Variants in TPP2 observed in about 807,000 individuals in gnomAD.
TPP2 encodes the protein tripeptidyl-peptidase 2.
Under a neutral mutation model 155.9 loss-of-function variants are expected in TPP2, and 34 were observed. The observed-to-expected ratio is 0.22, with a 90% CI of 0.17 to 0.29. The LOEUF (loss-of-function observed/expected upper bound fraction) is 0.29. TPP2 is among the 10% of genes least tolerant of loss of function. The pLI is 1.00. For missense variants in TPP2, 1,028 were observed against 1,522.3 expected, an observed-to-expected ratio of 0.68 and a Z score of 5.40; for synonymous variants, 510 against 529.4, an observed-to-expected ratio of 0.96 and a Z score of 0.50.
Position 102,668,400 on chromosome 13 carries a change from G to A in TPP2, c.3371+3475G>A, listed in dbSNP as rs140580868. 3.3e-5 allele frequency among the ~76,000 whole-genome samples: 5 copies of A among 152,324 alleles called. No individual in the cohort carries two copies. In the East Asian group the frequency reaches 9.6e-4, roughly 29 times the overall value. ...GTTTTGTTGATTGAAGAGTACAGAT[G>A]TGTGCAGCAACTGGTTTGTCTGGCG... On this transcript the variant is annotated intron_variant, in intron 27 of 29. Coordinates refer to ENST00000376052, the MANE Select transcript of TPP2 (RefSeq NM_001330588.2).
In TPP2 at chr13:102,644,871, GT is replaced by G. The variant is rs780783903; in HGVS notation, c.2293-37del. On this transcript the variant is annotated intron_variant, in intron 18 of 29. Transcript: ENST00000376052. Reference sequence around the variant, plus strand: ...AGGTACAAAATATTGCTTATTTTTAGTAAAGTTTGAGAAAGTAATTTGAGAA... The same window carrying G: ...AGGTACAAAATATTGCTTATTTTTAGAAAGTTTGAGAAAGTAATTTGAGAA... 2.5e-6 allele frequency: 4 copies of G among 1,603,894 alleles called. No individual in the cohort carries two copies. In the East Asian group the frequency reaches 8.9e-5, roughly 36 times the overall value.
rs554240489 is a variant in TPP2 at position 102,649,237 on chromosome 13, T to G, written c.2873+86T>G. 8 of 1,507,340 alleles carry G rather than the reference T, an allele frequency of 5.3e-6. No individual in the cohort carries two copies. In the East Asian group the frequency reaches 1.6e-4, roughly 30 times the overall value. 93.4% of individuals were successfully genotyped at this position (1,507,340 alleles called of 1,614,324 possible). On this transcript the variant is annotated intron_variant, in intron 22 of 29. Coordinates refer to ENST00000376052, the MANE Select transcript of TPP2 (RefSeq NM_001330588.2). ...CAGTTTATGACATCTAGGCTAAATTTAGAGGATGTAGTCATTTTTTTTTTG... is the reference window on the plus strand; with the variant it reads ...CAGTTTATGACATCTAGGCTAAATTGAGAGGATGTAGTCATTTTTTTTTTG...
rs780914635 is a variant in TPP2 at position 102,629,454 on chromosome 13, A to G, written c.1017-28A>G. The G allele has an allele frequency of 5.5e-6, 8 of 1,462,874 alleles. No individual in the cohort carries two copies. In the South Asian group the frequency reaches 9.5e-5, roughly 17 times the overall value. 90.6% of individuals were successfully genotyped at this position (1,462,874 alleles called of 1,614,324 possible). ...CACTTTGGGAATAGAGGCTGATTATATGTTCAAAGGAATTCTCTCTTTTTC... is the reference window on the plus strand; with the variant it reads ...CACTTTGGGAATAGAGGCTGATTATGTGTTCAAAGGAATTCTCTCTTTTTC... On this transcript the variant is annotated intron_variant, in intron 8 of 29. Transcript: ENST00000376052.
intron 27 of TPP2, among the ~76,000 whole-genome samples, chr13:102,668,129 A>C (rs923936282): frequency 6.6e-6 from 1 of 152,192 alleles, no homozygotes; most frequent in Non-Finnish European, 1.5e-5. Context: ...CAAATGATCA[A>C]AGGTTGGTTT....
chr13:102,667,408 C>T (rs939085171), intron 27 of TPP2, among the ~76,000 whole-genome samples: 1 of 152,130 alleles, frequency 6.6e-6, no homozygotes, highest in African/African-American at 2.4e-5. Context: ...GGACTTAAAA[C>T]ATGAGCAAGA....
intron 22 of TPP2, 64 bp from the exon 23 acceptor site, chr13:102,649,344 C>G: frequency 6.5e-7 from 1 of 1,536,590 alleles, no homozygotes; most frequent in South Asian, 1.2e-5. Flanking sequence ...TGTTTTTCCC[C>G]TTACTTGTCT....
chr13:102,633,907 A>C (rs756282239), intron 10 of TPP2, 43 bp from the exon 11 acceptor site: 4 of 1,610,960 alleles, frequency 2.5e-6, no homozygotes, highest in East Asian at 2.2e-5. Flanking sequence ...ATGTATGTTT[A>C]GCTTTCACCA....
At chr13:102,669,137 T>A (rs1314804155) in intron 27 of TPP2, among the ~76,000 whole-genome samples, 4 of 152,190 alleles carry the variant, frequency 2.6e-5, no homozygotes, top group African/African-American at 9.7e-5. Flanking sequence ...TCTTGAGAGG[T>A]TTTAGCAAAA....
At chr13:102,676,630 A>C (rs1885294915) in intron 29 of TPP2, among the ~76,000 whole-genome samples, 2 of 152,226 alleles carry the variant, frequency 1.3e-5, no homozygotes, top group Admixed American at 6.5e-5. Context: ...CTATCCAAAA[A>C]ACTGATACTA....
At chr13:102,636,081 G>A (rs1882359521) in intron 12 of TPP2, 143 bp from the exon 13 acceptor site, 5 of 718,878 alleles carry the variant, frequency 7.0e-6, no homozygotes, top group East Asian at 2.8e-5. Flanking sequence ...TGTCCTCTTA[G>A]TTGGGGTACT....
chr13:102,641,732 A>G (rs1182433422), intron 16 of TPP2, among the ~76,000 whole-genome samples: 1 of 152,194 alleles, frequency 6.6e-6, no homozygotes, highest in Non-Finnish European at 1.5e-5. Flanking sequence ...GAGCTAAAGC[A>G]GTGAATTGAA....
chr13:102,609,778 A>G (rs1187414680), intron 2 of TPP2, among the ~76,000 whole-genome samples: 1 of 152,086 alleles, frequency 6.6e-6, no homozygotes, highest in East Asian at 1.9e-4. Context: ...CCCATGATCC[A>G]GTCACCTCCC....
chr13:102,637,948 A>C (rs540078568), intron 14 of TPP2, among the ~76,000 whole-genome samples: 1 of 152,278 alleles, frequency 6.6e-6, no homozygotes, highest in African/African-American at 2.4e-5. Context: ...TCCACATCTA[A>C]AGTTGTCTGT....
chr13:102,651,002 T>A (rs896592256), intron 23 of TPP2, among the ~76,000 whole-genome samples: 4 of 152,238 alleles, frequency 2.6e-5, no homozygotes, highest in African/African-American at 9.6e-5. Context: ...TTGCTTTTTA[T>A]AAGAATGCAT....
chr13:102,623,356 G>A (rs1170269858), intron 6 of TPP2, among the ~76,000 whole-genome samples: 2 of 152,184 alleles, frequency 1.3e-5, no homozygotes, highest in African/African-American at 2.4e-5. Context: ...CTGAGGCTGG[G>A]AGTTTGAGAC....
intron 13 of TPP2, 68 bp from the exon 14 acceptor site, chr13:102,637,014 T>C: frequency 6.6e-7 from 1 of 1,510,024 alleles, no homozygotes; most frequent in Non-Finnish European, 8.8e-7. Flanking sequence ...TTTGGAAAGA[T>C]GTAACATTTT....
chr13:102,605,306 G>T (rs1879737597), intron 2 of TPP2, among the ~76,000 whole-genome samples: 1 of 152,226 alleles, frequency 6.6e-6, no homozygotes, highest in Non-Finnish European at 1.5e-5. Flanking sequence ...TTCCCTGGGG[G>T]AGTGAGCCGA....
intron 21 of TPP2, among the ~76,000 whole-genome samples, chr13:102,648,238 G>A (rs1341121664): frequency 6.6e-6 from 1 of 152,014 alleles, no homozygotes; most frequent in African/African-American, 2.4e-5. Flanking sequence ...AGATCAGCTG[G>A]GCATGGTGGC....
chr13:102,647,901 A>T (rs760002268), intron 21 of TPP2, among the ~76,000 whole-genome samples: 12 of 152,230 alleles, frequency 7.9e-5, no homozygotes, highest in Non-Finnish European at 1.5e-4. Flanking sequence ...TATTACTGCA[A>T]AGAAATGAGA....
Sources: gnomAD v4.1 joint callset for allele counts (sites outside exome capture counted in the v4.1 genomes callset) on GRCh38, gnomAD v4.1.1 for gene constraint, MANE v1.5 for transcripts, NCBI Gene and HGNC (gene_info 2026-07-23, HGNC 2026-07-21) for gene names.